Variants in LRRC71 observed in about 807,000 individuals in gnomAD.
The protein encoded by LRRC71 is leucine-rich repeat-containing protein 71.
In LRRC71, 54 loss-of-function variants were observed where a neutral mutation model predicts 66.6. The ratio of observed to expected loss-of-function variants is 0.81; its 90% CI spans 0.65 to 1.02. LRRC71 has a LOEUF of 1.02. LRRC71 is among the 50% of genes least tolerant of loss of function. The pLI is 0.00. For missense variants in LRRC71, 724 were observed against 718.0 expected (o/e 1.01, Z -0.10); for synonymous variants, 323 against 303.9 (o/e 1.06, Z -0.65).
At chr1:156,939,447 G>A in the LRRC71 span, 1 of 1,537,428 alleles carries the variant, frequency 6.5e-7, no homozygotes, top group South Asian at 1.1e-5. Context: ...CTGCTCACAC[G>A]GTACCCAGGG....
At chr1:156,931,834 G>T (rs1385183370) in intron 12 of LRRC71, 82 bp from the exon 13 acceptor site, 1 of 1,119,966 alleles carries the variant, frequency 8.9e-7, no homozygotes, top group East Asian at 2.6e-5. Flanking sequence ...GTCAAAACAT[G>T]TATGTTGAAT....
chr1:156,938,811 G>A, the LRRC71 span: 3 of 410,490 alleles, frequency 7.3e-6, no homozygotes, highest in South Asian at 4.0e-5. Flanking sequence ...AATCCCAGGG[G>A]AGGGCAGGCC....
chr1:156,923,158 G>A (rs1328293051), intron 1 of LRRC71, among the ~76,000 whole-genome samples: 1 of 152,174 alleles, frequency 6.6e-6, no homozygotes, highest in Non-Finnish European at 1.5e-5. Flanking sequence ...TGTCCCTCCT[G>A]GCACAGCTCC....
intron 1 of LRRC71, among the ~76,000 whole-genome samples, chr1:156,922,527 C>T (rs574698166): frequency 8.5e-5 from 13 of 152,110 alleles, no homozygotes; most frequent in Admixed American, 2.0e-4. Context: ...GAAGAAGCTA[C>T]GAGGTGAGAT....
intron 12 of LRRC71, 36 bp downstream of exon 12, chr1:156,930,653 C>T: frequency 6.5e-7 from 1 of 1,532,712 alleles, no homozygotes; most frequent in African/African-American, 1.4e-5. Flanking sequence ...AGGGGGCACA[C>T]CCCTGGGATT....
At chr1:156,940,193 C>T in the LRRC71 span, 1 of 1,564,548 alleles carries the variant, frequency 6.4e-7, no homozygotes, top group Non-Finnish European at 8.7e-7. Flanking sequence ...ACGGCAGGGC[C>T]TTGAAGCACT....
rs1445356782 is a variant in LRRC71, at chr1:156,931,980, A to C, written c.1394A>C (p.Lys465Thr). ...GAGCCTGTGGAGCACCGAGATGGGA[A>C]AGTTTTCATGCCTGGGAACAAGGTC... The part of the protein sequence containing the change: ...LLEPVEHRDG[K>T]VFMPGNKVLL... The change falls in exon 13 of 15, where the codon AAA becomes ACA. Residue 465 changes from lysine to threonine, a missense_variant. Physicochemically the swap from Lys to Thr is moderately conservative, Grantham distance 78 (BLOSUM62 -1). Coordinates refer to ENST00000337428, the MANE Select transcript of LRRC71 (RefSeq NM_144702.3). 1.9e-6 allele frequency: 3 copies of C among 1,601,436 alleles called. No homozygotes were observed. The East Asian group carries it at 6.7e-5, about 36-fold the overall frequency.
chr1:156,928,407 C>CTTCTTCTTCTTCTTCTTT (rs1200164310), intron 9 of LRRC71, among the ~76,000 whole-genome samples: 1 of 126,894 alleles, frequency 7.9e-6, no homozygotes, highest in Non-Finnish European at 1.7e-5. Flanking sequence ...TCTTCTTCTT[C>CTTCTTCTTCTTCTTCTTT]CTCTTATTCC....
At chr1:156,936,512 A>ATATATCC (rs1277200111), downstream of LRRC71, among the ~76,000 whole-genome samples, 1 of 133,582 alleles carries the variant, frequency 7.5e-6, no homozygotes, top group African/African-American at 2.9e-5. Context: ...ATATATATAT[A>ATATATCC]TATATATATA....
chr1:156,930,324 C>A (rs529300393), intron 11 of LRRC71, among the ~76,000 whole-genome samples: 1 of 151,820 alleles, frequency 6.6e-6, no homozygotes, highest in Admixed American at 6.6e-5. Context: ...AACTCCTGAC[C>A]TCAGGAGATC....
chr1:156,939,745 C>A, the LRRC71 span: 1 of 1,614,072 alleles, frequency 6.2e-7, no homozygotes, highest in Non-Finnish European at 8.5e-7. Flanking sequence ...GTCCCCTTCA[C>A]CCCCAGGGGG....
rs77078877 is a variant in LRRC71 at position 156,927,799 on chromosome 1, G to A, written c.889G>A (p.Ala297Thr). Reference sequence around the variant, plus strand: ...CCACAACCGCATCCAGGACAAGGGCGCCCTGAAGCTGGCTGAGGTGGGTGT... The same window carrying A: ...CCACAACCGCATCCAGGACAAGGGCACCCTGAAGCTGGCTGAGGTGGGTGT... ...LAHNRIQDKG[A>T]LKLAEVLRAF... Residue 297 changes from alanine to threonine, a missense_variant, in exon 8 of 15, where the codon GCC (alanine) becomes ACC (threonine). Transcript: ENST00000337428. The A allele has an allele frequency of 1.2e-6, 2 of 1,613,252 alleles. No homozygotes were observed. The highest frequency in any genetic ancestry group is 1.7e-5 in the Admixed American group (1 of 60,018).
chr1:156,937,237 T>C, downstream of LRRC71: 5 of 1,608,578 alleles, frequency 3.1e-6, no homozygotes, highest in South Asian at 1.1e-5. Flanking sequence ...ACCCAAGCCC[T>C]GCTTCCCTCA....
chr1:156,935,842 A>G, downstream of LRRC71: 1 of 787,712 alleles, frequency 1.3e-6, no homozygotes. Context: ...CAGACCAAGC[A>G]ACATGCGGGT....
intron 4 of LRRC71, 74 bp from the exon 5 acceptor site, chr1:156,924,864 A>T: frequency 6.6e-7 from 1 of 1,525,142 alleles, no homozygotes; most frequent in Non-Finnish European, 8.9e-7. Flanking sequence ...CCGCTGGGAG[A>T]ACGGTGTGGG....
chr1:156,930,316 C>T (rs1210241941), intron 11 of LRRC71, among the ~76,000 whole-genome samples: 1 of 151,840 alleles, frequency 6.6e-6, no homozygotes, highest in Non-Finnish European at 1.5e-5. Flanking sequence ...TGGTTGCGAA[C>T]TCCTGACCTC....
At chr1:156,936,194 T>C (rs1655070959), downstream of LRRC71, 2 of 955,254 alleles carry the variant, frequency 2.1e-6, no homozygotes, top group Non-Finnish European at 3.5e-6. Flanking sequence ...CAGTTTCTCG[T>C]AGGGCTTGAA....
In LRRC71 at chr1:156,924,081, C is replaced by G. The variant is rs1336844489; in HGVS notation, c.293C>G (p.Ser98Trp). Reference protein sequence around the residue: ...HPPFVPSASLSEKATLDDPRL... With the variant: ...HPPFVPSASLWEKATLDDPRL... ...CCCTTCGTCCCCTCCGCCTCTTTGT[C>G]GGAAAAGGCCACCTTAGGTGAGTGA... Residue 98 changes from serine to tryptophan, a missense_variant, in exon 2 of 15, where the codon TCG (serine) becomes TGG (tryptophan). Physicochemically the swap from Ser to Trp is radical, Grantham distance 177 (BLOSUM62 -3). Coordinates refer to ENST00000337428, the MANE Select transcript of LRRC71 (RefSeq NM_144702.3). The G allele has an allele frequency of 2.8e-6, 4 of 1,412,828 alleles. No homozygotes were observed. In the South Asian group the frequency reaches 4.9e-5, roughly 17 times the overall value. 87.5% of individuals were successfully genotyped at this position (1,412,828 alleles called of 1,614,324 possible). A position where few individuals can be genotyped will look rare whatever the true frequency, so the allele number is the denominator to read the frequency against.
At chr1:156,928,563 C>CTTTTTTTTTTTTTTTTTTTT (rs58180096) in intron 9 of LRRC71, among the ~76,000 whole-genome samples, 1 of 80,246 alleles carries the variant, frequency 1.2e-5, no homozygotes, top group Non-Finnish European at 2.3e-5. Context: ...CTTCTTCTTA[C>CTTTTTTTTTTTTTTTTTTTT]TTTTTTTTTT....
Sources: gnomAD v4.1 joint callset for allele counts (sites outside exome capture counted in the v4.1 genomes callset) on GRCh38, gnomAD v4.1.1 for gene constraint, MANE v1.5 for transcripts, NCBI Gene and HGNC (gene_info 2026-07-23, HGNC 2026-07-21) for gene names.